The following PRKG1 variants were observed in gnomAD, a reference collection of about 807,000 sequenced individuals.
PRKG1 encodes the protein cGMP-dependent protein kinase 1.
PRKG1 carries 35 observed loss-of-function variants against 88.1 expected under a neutral mutation model. The observed-to-expected ratio is 0.40, with a 90% confidence interval of 0.30 to 0.53. The LOEUF (loss-of-function observed/expected upper bound fraction) is 0.53, where lower values mean the gene tolerates loss of function less well. PRKG1 is among the 20% of genes least tolerant of loss of function. The pLI, the probability that PRKG1 is intolerant of heterozygous loss-of-function variation, is 0.59. For missense variants in PRKG1, 540 were observed against 839.8 expected (o/e 0.64, Z 4.41); for synonymous variants, 303 against 292.5 (o/e 1.04, Z -0.37).
At chr10:52,124,474 C>G (rs899956026) in intron 7 of PRKG1, among the ~76,000 whole-genome samples, 2 of 152,088 alleles carry the variant, frequency 1.3e-5, no homozygotes, top group African/African-American at 2.4e-5. Flanking sequence ...AAATAGGGCA[C>G]TTACCATGAA....
chr10:51,339,362 A>C (rs1403115665), intron 2 of PRKG1, among the ~76,000 whole-genome samples: 2 of 152,132 alleles, frequency 1.3e-5, no homozygotes, highest in Non-Finnish European at 2.9e-5. Context: ...AAATGTTTAC[A>C]TTTTAGAGAA....
chr10:51,325,637 A>G (rs765486967), intron 2 of PRKG1, among the ~76,000 whole-genome samples: 2 of 152,178 alleles, frequency 1.3e-5, no homozygotes, highest in African/African-American at 2.4e-5. Context: ...ATTTTCCTAT[A>G]TTTGCTTTTG....
chr10:51,913,224 C>A (rs529983315), intron 5 of PRKG1, among the ~76,000 whole-genome samples: 1 of 152,292 alleles, frequency 6.6e-6, no homozygotes, highest in African/African-American at 2.4e-5. Flanking sequence ...CCACGGCGCC[C>A]ACCCAATTTC....
intron 2 of PRKG1, among the ~76,000 whole-genome samples, chr10:51,329,661 C>A (rs769204189): frequency 1.6e-4 from 24 of 152,162 alleles, no homozygotes; most frequent in Non-Finnish European, 2.8e-4. Context: ...GTCTTTAATT[C>A]TCCTTCATTT....
chr10:51,379,475 T>C (rs1046877392), intron 2 of PRKG1, among the ~76,000 whole-genome samples: 18 of 152,238 alleles, frequency 1.2e-4, no homozygotes, highest in Non-Finnish European at 4.4e-5. Context: ...TTATCTTTAA[T>C]AAAATGAACA....
intron 3 of PRKG1, among the ~76,000 whole-genome samples, chr10:51,561,842 G>A (rs1837469567): frequency 6.6e-6 from 1 of 152,058 alleles, no homozygotes; most frequent in Non-Finnish European, 1.5e-5. Flanking sequence ...AGAGTGATTG[G>A]TCTAAACTGG....
intron 5 of PRKG1, among the ~76,000 whole-genome samples, chr10:51,943,921 T>C (rs1473263880): frequency 2.6e-5 from 4 of 152,054 alleles, no homozygotes; most frequent in Non-Finnish European, 5.9e-5. Context: ...TTCTCTTTTT[T>C]GGTTGTGTCT....
At chr10:51,361,073 C>T (rs1842470462) in intron 2 of PRKG1, among the ~76,000 whole-genome samples, 1 of 151,796 alleles carries the variant, frequency 6.6e-6, no homozygotes, top group African/African-American at 2.4e-5. Context: ...AAGGAATAGT[C>T]TTTTAAATAA....
intron 7 of PRKG1, among the ~76,000 whole-genome samples, chr10:52,097,755 T>C (rs1003874855): frequency 4.5e-4 from 34 of 74,966 alleles, no homozygotes; most frequent in Non-Finnish European, 7.0e-4. Flanking sequence ...GTGATTTTAA[T>C]AGGCCTAATA....
intron 2 of PRKG1, among the ~76,000 whole-genome samples, chr10:51,398,908 C>T (rs1162450160): frequency 6.6e-6 from 1 of 152,118 alleles, no homozygotes; most frequent in Non-Finnish European, 1.5e-5. Flanking sequence ...GAAACAACAG[C>T]TCTTCTTGGT....
intron 3 of PRKG1, among the ~76,000 whole-genome samples, chr10:51,760,836 C>CTGGTGTGGTGGCTGATG (rs1451625588): frequency 6.6e-6 from 1 of 152,102 alleles, no homozygotes; most frequent in Non-Finnish European, 1.5e-5. Flanking sequence ...ATCAACAGGC[C>CTGGTGTGGTGGCTGATG]TGGTGTGGTG....
At chr10:51,677,959 G>A (rs896588074) in intron 3 of PRKG1, among the ~76,000 whole-genome samples, 16 of 152,066 alleles carry the variant, frequency 1.1e-4, no homozygotes, top group Admixed American at 2.6e-4. Flanking sequence ...TTGCAGCATA[G>A]GGTCAAGACA....
At position 51,487,593 on chromosome 10, in the gene PRKG1, A is replaced by T. The variant is rs374100137; in HGVS notation, c.592+19757A>T. 2.6e-5 allele frequency among the ~76,000 whole-genome samples: 4 copies of T among 152,108 alleles called. No individual in the cohort carries two copies. The East Asian group carries it at 7.7e-4, about 29-fold the overall frequency. ...CGTTGAGGATGGGCTGGACCTCATG[A>T]CTTGCTTCTAATTTAGAGAATACAG... On this transcript the variant is annotated intron_variant, in intron 3 of 17. Transcript: ENST00000373980.
At chr10:51,956,557 G>A (rs1042943047) in intron 5 of PRKG1, among the ~76,000 whole-genome samples, 3 of 152,000 alleles carry the variant, frequency 2.0e-5, no homozygotes, top group African/African-American at 7.2e-5. Context: ...TGAAGAGAAT[G>A]AACTGAGGAT....
At chr10:52,211,752 G>A (rs972501427) in intron 9 of PRKG1, among the ~76,000 whole-genome samples, 10 of 150,220 alleles carry the variant, frequency 6.7e-5, no homozygotes, top group African/African-American at 1.5e-4. Context: ...GTAAAGTAAC[G>A]GGGGTGATGA....
intron 1 of PRKG1, among the ~76,000 whole-genome samples, chr10:51,075,222 G>A (rs71508066): frequency 0.033 from 5,090 of 152,294 alleles, 133 homozygotes; most frequent in Non-Finnish European, 0.047. Flanking sequence ...GTGAGTGTGA[G>A]AGAAGAAATA....
At chr10:51,979,418 T>TTTTTG (rs1422009503) in intron 5 of PRKG1, among the ~76,000 whole-genome samples, 6 of 135,362 alleles carry the variant, frequency 4.4e-5, no homozygotes, top group Non-Finnish European at 9.5e-5. Flanking sequence ...CTGTTTTTTT[T>TTTTTG]TTTTTTTTTT....
At chr10:52,087,951 GCA>G (rs1241301634) in intron 7 of PRKG1, among the ~76,000 whole-genome samples, 1 of 152,176 alleles carries the variant, frequency 6.6e-6, no homozygotes, top group Admixed American at 6.5e-5. Flanking sequence ...GAAACACTGA[GCA>G]CAGTCATTTC....
intron 2 of PRKG1, among the ~76,000 whole-genome samples, chr10:51,460,560 C>G (rs1839718743): frequency 6.6e-6 from 1 of 152,084 alleles, no homozygotes; most frequent in Non-Finnish European, 1.5e-5. Context: ...GATCTATGGC[C>G]TGTCTTTAGC....
Sources: gnomAD v4.1 joint callset for allele counts (sites outside exome capture counted in the v4.1 genomes callset) on GRCh38, gnomAD v4.1.1 for gene constraint, MANE v1.5 for transcripts, NCBI Gene and HGNC (gene_info 2026-07-23, HGNC 2026-07-21) for gene names.